Variants in GRID1 observed in about 807,000 individuals in gnomAD.
The protein encoded by GRID1 is glutamate receptor ionotropic, delta-1.
GRID1 carries 28 observed loss-of-function variants against 98.0 expected under a neutral mutation model. That is an observed-to-expected ratio of 0.29 (90% CI 0.21 to 0.39). The LOEUF is 0.39. Ranked by LOEUF, GRID1 falls within the 10% of genes least tolerant of loss-of-function variation. GRID1 has a pLI of 1.00. For synonymous variants in GRID1, 553 were observed against 538.5 expected (o/e 1.03, Z -0.37); for missense variants, 1,111 against 1,340.5 (o/e 0.83, Z 2.67).
intron 4 of GRID1, among the ~76,000 whole-genome samples, chr10:85,983,572 C>T (rs1842571718): frequency 6.6e-6 from 1 of 152,158 alleles, no homozygotes; most frequent in Non-Finnish European, 1.5e-5. Flanking sequence ...GGGGATGTGG[C>T]CTGGAGACTT....
chr10:85,818,820 C>T (rs1399113901), intron 8 of GRID1, among the ~76,000 whole-genome samples: 2 of 151,964 alleles, frequency 1.3e-5, no homozygotes, highest in African/African-American at 2.4e-5. Flanking sequence ...CCTGTTCAAG[C>T]GAGTCTCGTG....
chr10:86,186,143 G>A (rs567666785), intron 3 of GRID1, among the ~76,000 whole-genome samples: 1 of 152,278 alleles, frequency 6.6e-6, no homozygotes, highest in South Asian at 2.1e-4. Context: ...GTATGCTTTA[G>A]TAATTTGTGT....
chr10:85,822,490 A>G (rs1429475162), intron 8 of GRID1, among the ~76,000 whole-genome samples: 3 of 152,194 alleles, frequency 2.0e-5, no homozygotes, highest in Non-Finnish European at 4.4e-5. Context: ...ACAATGAGAT[A>G]CCATCTCACA....
intron 2 of GRID1, among the ~76,000 whole-genome samples, chr10:86,226,155 C>A (rs1476157420): frequency 6.6e-6 from 1 of 151,982 alleles, no homozygotes; most frequent in Non-Finnish European, 1.5e-5. Context: ...AGCCACGTCT[C>A]TGGACAGGGG....
intron 2 of GRID1, among the ~76,000 whole-genome samples, chr10:86,289,351 C>G (rs1847479286): frequency 6.6e-6 from 1 of 152,244 alleles, no homozygotes; most frequent in African/African-American, 2.4e-5. Flanking sequence ...ATTGTGAATC[C>G]CTGAGAAACA....
chr10:85,720,763 G>A lies in GRID1; in HGVS notation c.1997+2240C>T, dbSNP rs189525609. ...GTGGACTGAATTGTAAAATGCAAAC[G>A]TTTTCAGTAAAAAATAAAAGTAGAA... On this transcript the variant is annotated intron_variant, in intron 12 of 15. Coordinates refer to ENST00000327946, the MANE Select transcript of GRID1 (RefSeq NM_017551.3). Among the ~76,000 whole-genome samples the A allele has an allele frequency of 1.0e-3, 156 of 152,026 alleles. 1 individual carries two copies. Among genetic ancestry groups the A allele is most frequent in the African/African-American group, 3.5e-3 (145 of 41,512 alleles).
At chr10:86,295,130 G>A (rs975240778) in intron 2 of GRID1, among the ~76,000 whole-genome samples, 3 of 152,172 alleles carry the variant, frequency 2.0e-5, no homozygotes, top group Non-Finnish European at 2.9e-5. Context: ...CATACAGAAC[G>A]GCCTTTTCAA....
intron 4 of GRID1, among the ~76,000 whole-genome samples, chr10:86,046,906 G>A (rs966965505): frequency 6.6e-6 from 1 of 151,068 alleles, no homozygotes; most frequent in Admixed American, 6.6e-5. Context: ...GAGATCAAAC[G>A]GTTAGCAAGC....
chr10:86,220,403 C>A (rs958030763), intron 2 of GRID1, among the ~76,000 whole-genome samples: 1 of 152,150 alleles, frequency 6.6e-6, no homozygotes, highest in African/African-American at 2.4e-5. Flanking sequence ...CCTGAAAACG[C>A]GGTTATGATA....
At chr10:86,282,063 C>G (rs1204288168) in intron 2 of GRID1, among the ~76,000 whole-genome samples, 1 of 152,216 alleles carries the variant, frequency 6.6e-6, no homozygotes, top group Non-Finnish European at 1.5e-5. Context: ...AGAGTGGCGC[C>G]TTGGACAAGT....
intron 4 of GRID1, among the ~76,000 whole-genome samples, chr10:86,088,558 G>A (rs1589367112): frequency 6.6e-6 from 1 of 152,170 alleles, no homozygotes; most frequent in African/African-American, 2.4e-5. Context: ...CTTCTCCAGG[G>A]CAAATTAGAG....
chr10:86,143,804 A>G (rs903559198), intron 3 of GRID1, among the ~76,000 whole-genome samples: 11 of 152,226 alleles, frequency 7.2e-5, no homozygotes, highest in African/African-American at 2.7e-4. Flanking sequence ...AGCTCCCTAG[A>G]GAGGAGTCCT....
chr10:85,894,631 T>C (rs773286088), intron 5 of GRID1, among the ~76,000 whole-genome samples: 2 of 152,198 alleles, frequency 1.3e-5, no homozygotes, highest in Admixed American at 1.3e-4. Context: ...AAGTGTCAAT[T>C]GTACTTTTAA....
At position 85,599,802 on chromosome 10, in the gene GRID1, A is replaced by AAAAAAAAAAAAAAAAAAAAAATATAT; in HGVS notation, c.*2470_*2471insATATATTTTTTTTTTTTTTTTTTTTT. On this transcript the variant is annotated 3_prime_UTR_variant, in exon 16 of 16. Transcript: ENST00000327946. Reference sequence around the variant, plus strand: ...GTAGAAAATTCTAAAAAAAAAAAAAAATATATATATATATATATAAACATG... The same window carrying AAAAAAAAAAAAAAAAAAAAAATATAT: ...GTAGAAAATTCTAAAAAAAAAAAAAAAAAAAAAAAAAAAAAAAAAAATATATATATATATATATATATATAAACATG... The AAAAAAAAAAAAAAAAAAAAAATATAT allele has an allele frequency of 4.6e-5, 3 of 64,984 alleles. No individual in the cohort carries two copies. The highest frequency in any genetic ancestry group is 2.8e-4 in the African/African-American group (3 of 10,732). 4.0% of individuals were successfully genotyped at this position (64,984 alleles called of 1,614,324 possible).
chr10:85,714,931 A>T (rs188011036), intron 12 of GRID1, among the ~76,000 whole-genome samples: 220 of 152,296 alleles, frequency 1.4e-3, no homozygotes, highest in Non-Finnish European at 2.7e-3. Flanking sequence ...TCTGAATACC[A>T]ATGCAATCTT....
intron 4 of GRID1, among the ~76,000 whole-genome samples, chr10:86,076,663 G>C (rs1249751318): frequency 6.6e-6 from 1 of 152,178 alleles, no homozygotes; most frequent in African/African-American, 2.4e-5. Flanking sequence ...TCTTGTGCTG[G>C]TTGGAGGTCA....
chr10:85,772,883 C>T (rs1842287187), intron 8 of GRID1, among the ~76,000 whole-genome samples: 1 of 152,180 alleles, frequency 6.6e-6, no homozygotes, highest in Non-Finnish European at 1.5e-5. Flanking sequence ...CAGCCGAATT[C>T]TACCACAGGT....
At position 85,839,160 on chromosome 10, in the gene GRID1, A is replaced by C. The variant is rs189662662; in HGVS notation, c.1233+15336T>G. ...ATTCATAAAGCAAGTTCTTAGAGAC[A>C]TTCAAAGAGACTCAGACTCCCACAC... On this transcript the variant is annotated intron_variant, in intron 8 of 15. Coordinates refer to ENST00000327946, the MANE Select transcript of GRID1 (RefSeq NM_017551.3). 5.9e-5 allele frequency among the ~76,000 whole-genome samples: 9 copies of C among 152,248 alleles called. No individual in the cohort carries two copies. In the East Asian group the frequency reaches 1.7e-3, roughly 29 times the overall value.
rs77467361 is a variant in GRID1, at chr10:85,969,396, C to A, written c.727-53157G>T. On this transcript the variant is annotated intron_variant, in intron 4 of 15. Coordinates refer to ENST00000327946, the MANE Select transcript of GRID1 (RefSeq NM_017551.3). The stretch of plus-strand genomic sequence containing the variant: ...CAACAAGAGGAGAATTCTTCTCATG[C>A]ACACATGGAACATTTCCCCAGGATA... Among the ~76,000 whole-genome samples, 900 of 152,248 alleles carry A rather than the reference C, an allele frequency of 5.9e-3. 8 individuals are homozygous for A. The highest frequency in any genetic ancestry group is 0.02 in the African/African-American group (817 of 41,566).
Sources: allele counts gnomAD v4.1 joint callset (sites outside exome capture counted in the v4.1 genomes callset), GRCh38; gene constraint gnomAD v4.1.1; transcripts MANE v1.5; gene names NCBI Gene and HGNC (gene_info 2026-07-23, HGNC 2026-07-21).